Variants in S100A2 observed in about 807,000 individuals in gnomAD.
The protein encoded by S100A2 is S100 calcium binding protein A2.
S100A2 carries 5 observed loss-of-function variants against 4.3 expected under a neutral mutation model. The ratio of observed to expected loss-of-function variants is 1.16; its 90% CI spans 0.61 to 2.44. The LOEUF (loss-of-function observed/expected upper bound fraction) is 2.44, where lower values mean the gene tolerates loss of function less well. Ranked by LOEUF, S100A2 falls within the 30% of genes most tolerant of loss-of-function variation. S100A2 has a pLI of 0.01. For synonymous variants in S100A2, 44 were observed against 46.0 expected (o/e 0.96, Z 0.17); for missense variants, 103 against 114.7 (o/e 0.90, Z 0.47).
At chr1:153,563,411 G>T (rs775724160) in intron 2 of S100A2, 14 of 1,547,856 alleles carry the variant, frequency 9.0e-6, no homozygotes, top group Non-Finnish European at 1.2e-5. Flanking sequence ...GAGAGAGAAC[G>T]TGCCAGTGCT....
intron 1 of S100A2, among the ~76,000 whole-genome samples, chr1:153,565,038 G>A (rs563559184): frequency 6.6e-6 from 1 of 151,508 alleles, no homozygotes; most frequent in East Asian, 2.0e-4. Context: ...TCGGCCGGGC[G>A]CGGTGGCTTA....
intron 1 of S100A2, 174 bp from the exon 2 acceptor site, chr1:153,564,061 T>A (rs1665956857): frequency 1.6e-6 from 1 of 609,498 alleles, no homozygotes; most frequent in South Asian, 2.3e-5. Context: ...CCGGAGGCGA[T>A]ACCTCCATCT....
At chr1:153,565,311 CA>C (rs57778287) in intron 1 of S100A2, among the ~76,000 whole-genome samples, 194 bp downstream of exon 1, 2,374 of 46,780 alleles carry the variant, frequency 0.051, 10 homozygotes, top group African/African-American at 0.091. Flanking sequence ...GACTCCATCT[CA>C]AAAAAAAAAA....
Position 153,563,841 on chromosome 1 carries a change from G to A in S100A2, c.37C>T (p.Leu13=), listed in dbSNP as rs1202246938. The change falls in exon 2 of 3, where the codon CTG becomes TTG. Residue 13 remains leucine (L), a synonymous_variant. Transcript: ENST00000368708. ...GAGTACTTGTGGAAGGTAGTGACCA[G>A]CACAGCCAGCGCCTGCTCCAGAGAA... is the stretch of plus-strand genomic sequence containing the variant. ...CSSLEQALAV[L]VTTFHKYSCQ... 1.9e-6 allele frequency: 3 copies of A among 1,614,102 alleles called. No individual in the cohort carries two copies. The highest frequency in any genetic ancestry group is 3.3e-5 in the Admixed American group (2 of 60,008).
At chr1:153,561,879 G>A (rs918260534) in intron 2 of S100A2, among the ~76,000 whole-genome samples, 11 of 152,250 alleles carry the variant, frequency 7.2e-5, no homozygotes, top group African/African-American at 1.2e-4. Flanking sequence ...GGAGCCCAGC[G>A]AGGTAGGTAT....
rs1328331011 is a variant in S100A2, at chr1:153,563,576, C to T, written c.144+158G>A. On this transcript the variant is annotated intron_variant, in intron 2 of 2. Transcript: ENST00000368708. ...CATTAATTAAGCACTCCCACTCGGG[C>T]CTCATTTCCACTCCAGTGGAGCCAT... 1.9e-6 allele frequency: 3 copies of T among 1,552,940 alleles called. No homozygotes were observed. In the African/African-American group the frequency reaches 4.1e-5, roughly 21 times the overall value.
chr1:153,561,554 C>A lies in S100A2; in HGVS notation c.182G>T (p.Gly61Val). 3 of 1,614,118 alleles carry A rather than the reference C, an allele frequency of 1.9e-6. 1 individual carries two copies. The highest frequency in any genetic ancestry group is 8.5e-7 in the Non-Finnish European group (1 of 1,180,014). The change falls in exon 3 of 3, where the codon GGC becomes GTC. Residue 61 changes from glycine to valine, a missense_variant. By Grantham distance (109) the Gly-to-Val change is moderately radical. Coordinates refer to ENST00000368708, the MANE Select transcript of S100A2 (RefSeq NM_005978.4). ...VDEEGLKKLM[G>V]SLDENSDQQV... The stretch of plus-strand genomic sequence containing the variant: ...CTGGTCACTGTTCTCATCCAGGCTG[C>A]CCATCAGCTTCTTCAGCCCCTCCTC...
At chr1:153,561,647 C>T in intron 2 of S100A2, 56 bp from the exon 3 acceptor site, 2 of 1,612,128 alleles carry the variant, frequency 1.2e-6, no homozygotes, top group Non-Finnish European at 1.7e-6. Flanking sequence ...CCAGCTCCAC[C>T]AAACACCCAG....
chr1:153,563,721 C>T lies in S100A2; in HGVS notation c.144+13G>A. On this transcript the variant is annotated intron_variant, in intron 2 of 2. Coordinates refer to ENST00000368708, the MANE Select transcript of S100A2 (RefSeq NM_005978.4). Reference sequence around the variant, plus strand: ...TCACACCAGGACCTCCCCCACAGGCCTGTGCCACTCACCCCCACAAAGCTG... The same window carrying T: ...TCACACCAGGACCTCCCCCACAGGCTTGTGCCACTCACCCCCACAAAGCTG... The T allele has an allele frequency of 6.2e-7, 1 of 1,610,274 alleles. No individual in the cohort carries two copies. The highest frequency in any genetic ancestry group is 8.5e-7 in the Non-Finnish European group (1 of 1,177,874).
chr1:153,561,740 T>A, intron 2 of S100A2, 149 bp from the exon 3 acceptor site: 1 of 1,038,496 alleles, frequency 9.6e-7, no homozygotes. Flanking sequence ...CCCTGGGAGC[T>A]ACCAAGAGGG....
At chr1:153,561,703 G>A (rs535810896) in intron 2 of S100A2, 112 bp from the exon 3 acceptor site, 89 of 1,498,874 alleles carry the variant, frequency 5.9e-5, no homozygotes, top group African/African-American at 2.1e-4. Flanking sequence ...TCCCCACTGG[G>A]CAGCTGGGTA....
chr1:153,565,248 T>C (rs562227822), intron 1 of S100A2, among the ~76,000 whole-genome samples: 3 of 136,868 alleles, frequency 2.2e-5, no homozygotes, highest in South Asian at 2.4e-4. Flanking sequence ...GGAGGGGGAG[T>C]TTGCAGTGAG....
chr1:153,564,103 G>C (rs551632197), intron 1 of S100A2: 9 of 492,386 alleles, frequency 1.8e-5, no homozygotes, highest in African/African-American at 2.0e-5. Flanking sequence ...AGCTTCCCTT[G>C]TGTCTGGGAG....
At chr1:153,563,509 C>T (rs540432200) in intron 2 of S100A2, 2 of 1,550,798 alleles carry the variant, frequency 1.3e-6, no homozygotes, top group South Asian at 2.4e-5. Flanking sequence ...ACTCGGAAGG[C>T]CCTCACAGCA....
In S100A2 at chr1:153,562,482, AT is replaced by A. The variant is rs535767712; in HGVS notation, c.145-892del. ...AATACTAGCCGAAATAATTAGAAAA[AT>A]TTAACCAGCCACAAAAACAAAATTA... On this transcript the variant is annotated intron_variant, in intron 2 of 2. Transcript: ENST00000368708. Among the ~76,000 whole-genome samples, 8 of 152,280 alleles carry A rather than the reference AT, an allele frequency of 5.3e-5. No homozygotes were observed. In the South Asian group the frequency reaches 1.7e-3, roughly 32 times the overall value.
intron 2 of S100A2, among the ~76,000 whole-genome samples, chr1:153,563,130 T>C (rs933822299): frequency 4.7e-5 from 4 of 84,600 alleles, no homozygotes; most frequent in Non-Finnish European, 1.5e-4. Flanking sequence ...AAAAATCACT[T>C]TGGGAAGCCG....
In S100A2 at chr1:153,561,590, T is replaced by C; in HGVS notation, c.146A>G (p.Glu49Gly). 1 of 1,614,048 alleles carries C rather than the reference T, an allele frequency of 6.2e-7. No individual in the cohort carries two copies. The highest frequency in any genetic ancestry group is 1.1e-5 in the South Asian group (1 of 91,074). Residue 49 changes from glutamate (E) to glycine (G), a missense_variant and splice_region_variant, in exon 3 of 3, where the codon GAG (glutamate) becomes GGG (glycine). Transcript: ENST00000368708. ...LHKELPSFVG[E>G]KVDEEGLKKL... is the part of the protein sequence containing the mutation. The stretch of plus-strand genomic sequence containing the variant: ...CTTCAGCCCCTCCTCATCCACTTTC[T>C]CCTGAAAGTGACAGGAAATACACTC...
At chr1:153,563,359 G>A (rs1665935764) in intron 2 of S100A2, 4 of 1,514,168 alleles carry the variant, frequency 2.6e-6, no homozygotes, top group Non-Finnish European at 3.5e-6. Flanking sequence ...GCAACAAGAG[G>A]GAAACTCCAT....
intron 2 of S100A2, among the ~76,000 whole-genome samples, chr1:153,563,011 C>G (rs891208943): frequency 6.6e-6 from 1 of 150,480 alleles, no homozygotes; most frequent in East Asian, 2.0e-4. Flanking sequence ...CGGTGGCTCA[C>G]GCCTGTAAGC....
Sources: gnomAD v4.1 joint callset for allele counts (sites outside exome capture counted in the v4.1 genomes callset) on GRCh38, gnomAD v4.1.1 for gene constraint, MANE v1.5 for transcripts, NCBI Gene and HGNC (gene_info 2026-07-23, HGNC 2026-07-21) for gene names.